Variants in DLGAP1 observed in about 807,000 individuals in gnomAD.
DLGAP1 encodes disks large-associated protein 1.
DLGAP1 carries 11 observed loss-of-function variants against 90.8 expected under a neutral mutation model. The observed-to-expected ratio is 0.12, with a 90% confidence interval of 0.08 to 0.20. The LOEUF is 0.20. DLGAP1 is among the 10% of genes least tolerant of loss of function. The probability of loss-of-function intolerance (pLI) is 1.00; values close to 1 mark genes in which losing one functional copy is unlikely to be tolerated. For missense variants in DLGAP1, 1,050 were observed against 1,333.8 expected, an observed-to-expected ratio of 0.79 and a Z score of 3.31; for synonymous variants, 558 against 540.7, an observed-to-expected ratio of 1.03 and a Z score of -0.44.
At chr18:3,822,309 G>A (rs2067466071) in intron 4 of DLGAP1, among the ~76,000 whole-genome samples, 1 of 152,126 alleles carries the variant, frequency 6.6e-6, no homozygotes, top group South Asian at 2.1e-4. Flanking sequence ...ATAGAACATT[G>A]TAAACAGTGA....
At chr18:4,348,872 G>T (rs1178880195) in intron 1 of DLGAP1, among the ~76,000 whole-genome samples, 1 of 152,064 alleles carries the variant, frequency 6.6e-6, no homozygotes, top group East Asian at 1.9e-4. Flanking sequence ...GAATTAATAG[G>T]TAAGGACAAA....
chr18:4,130,146 C>T (rs958713485), intron 2 of DLGAP1, among the ~76,000 whole-genome samples: 6 of 152,090 alleles, frequency 3.9e-5, no homozygotes, highest in African/African-American at 7.2e-5. Context: ...ATTTTCCTTC[C>T]GTGTTGGTTT....
intron 1 of DLGAP1, among the ~76,000 whole-genome samples, chr18:4,311,250 T>C (rs665588): frequency 0.97 from 146,996 of 152,272 alleles, 71,166 homozygotes; most frequent in East Asian, 1. Context: ...TTATTGCAGA[T>C]AGCTTGACTT....
At chr18:4,430,524 G>GTGTGTGTGTGTGTGTGTGTGTGTT in intron 1 of DLGAP1, 1 of 152,288 alleles carries the variant, frequency 6.6e-6, no homozygotes, top group Non-Finnish European at 1.5e-5. Flanking sequence ...GTGTGTGTGT[G>GTGTGTGTGTGTGTGTGTGTGTGTT]TGTGTGTGTG....
At chr18:4,146,068 T>C (rs1002126071) in intron 2 of DLGAP1, among the ~76,000 whole-genome samples, 1 of 152,176 alleles carries the variant, frequency 6.6e-6, no homozygotes, top group Non-Finnish European at 1.5e-5. Flanking sequence ...TCTTTTAAAG[T>C]CCTAAATAAA....
chr18:3,966,208 T>A (rs142231999), intron 3 of DLGAP1, among the ~76,000 whole-genome samples: 119 of 152,036 alleles, frequency 7.8e-4, no homozygotes, highest in South Asian at 6.8e-3. Flanking sequence ...CTGGAGAAGC[T>A]TGTTATGTTC....
intron 1 of DLGAP1, among the ~76,000 whole-genome samples, chr18:4,212,697 A>C (rs954464341): frequency 2.8e-4 from 42 of 152,026 alleles, no homozygotes; most frequent in Admixed American, 5.2e-4. Context: ...TAAATAGCTT[A>C]ATTGGTATAC....
intron 2 of DLGAP1, among the ~76,000 whole-genome samples, chr18:4,112,562 A>G (rs547461357): frequency 7.0e-4 from 106 of 152,188 alleles, no homozygotes; most frequent in African/African-American, 2.5e-3. Context: ...CAGTTCTGTC[A>G]ATTGCTGTTG....
intron 6 of DLGAP1, among the ~76,000 whole-genome samples, chr18:3,741,601 G>A (rs562334867): frequency 3.3e-4 from 49 of 150,152 alleles, no homozygotes; most frequent in African/African-American, 4.4e-4. Context: ...CACCACCATC[G>A]CCATCATCAC....
chr18:3,843,050 C>T (rs1221708728), intron 4 of DLGAP1, among the ~76,000 whole-genome samples: 1 of 152,162 alleles, frequency 6.6e-6, no homozygotes, highest in Non-Finnish European at 1.5e-5. Flanking sequence ...GACTGTGGGC[C>T]ATCTGTACTG....
intron 1 of DLGAP1, among the ~76,000 whole-genome samples, chr18:4,258,253 A>G (rs1455263123): frequency 6.6e-6 from 1 of 152,092 alleles, no homozygotes; most frequent in Non-Finnish European, 1.5e-5. Flanking sequence ...TGTGTTGCTC[A>G]GGCTGGTCTC....
chr18:3,538,867 G>A (rs971247751), intron 9 of DLGAP1, among the ~76,000 whole-genome samples: 10 of 152,116 alleles, frequency 6.6e-5, no homozygotes, highest in Admixed American at 1.3e-4. Flanking sequence ...TGTACTACCC[G>A]CATTCCTAAC....
chr18:3,506,517 A>C (rs1309272731), intron 11 of DLGAP1, among the ~76,000 whole-genome samples: 3 of 146,358 alleles, frequency 2.0e-5, no homozygotes, highest in African/African-American at 5.2e-5. Context: ...CCGTCTCAAA[A>C]AAAAAAAAAA....
chr18:3,936,918 C>G (rs747399953), intron 3 of DLGAP1, among the ~76,000 whole-genome samples: 2 of 152,152 alleles, frequency 1.3e-5, no homozygotes, highest in Non-Finnish European at 2.9e-5. Context: ...CACACCTGTT[C>G]TGTGTGGGCA....
chr18:3,930,270 A>G (rs1179065831), intron 3 of DLGAP1, among the ~76,000 whole-genome samples: 2 of 152,148 alleles, frequency 1.3e-5, no homozygotes, highest in Non-Finnish European at 2.9e-5. Context: ...CATGAAAACA[A>G]CCCTAAGTAC....
chr18:4,027,044 T>G (rs1219821416), intron 2 of DLGAP1, among the ~76,000 whole-genome samples: 1 of 152,112 alleles, frequency 6.6e-6, no homozygotes, highest in Non-Finnish European at 1.5e-5. Flanking sequence ...GCAGCCACAG[T>G]GCTGTTCTTG....
intron 1 of DLGAP1, among the ~76,000 whole-genome samples, chr18:4,341,663 A>G (rs1440664857): frequency 6.6e-6 from 1 of 152,174 alleles, no homozygotes; most frequent in Non-Finnish European, 1.5e-5. Flanking sequence ...TTTCCAAGAA[A>G]CAAGAAAAGC....
intron 3 of DLGAP1, among the ~76,000 whole-genome samples, chr18:3,945,386 T>G (rs562360095): frequency 3.3e-5 from 5 of 152,338 alleles, no homozygotes; most frequent in Admixed American, 3.3e-4. Flanking sequence ...CACTCTTTGA[T>G]CGTTCCATAT....
intron 1 of DLGAP1, among the ~76,000 whole-genome samples, chr18:4,355,740 ATC>A (rs138555090): frequency 7.9e-5 from 5 of 63,232 alleles, no homozygotes; most frequent in African/African-American, 1.9e-4. Flanking sequence ...ACAATCCGGG[ATC>A]TTTTTTTTTT....
Sources: allele counts gnomAD v4.1 joint callset (sites outside exome capture counted in the v4.1 genomes callset), GRCh38; gene constraint gnomAD v4.1.1; transcripts MANE v1.5; gene names NCBI Gene and HGNC (gene_info 2026-07-23, HGNC 2026-07-21).